The following SASH1 variants were observed in gnomAD, a reference collection of about 807,000 sequenced individuals.
The protein encoded by SASH1 is SAM and SH3 domain-containing protein 1.
Under a neutral mutation model 125.2 loss-of-function variants are expected in SASH1, and 44 were observed. The ratio of observed to expected loss-of-function variants is 0.35; its 90% CI spans 0.28 to 0.45. The LOEUF (loss-of-function observed/expected upper bound fraction) is 0.45, where lower values mean the gene tolerates loss of function less well. Among genes scored for constraint, SASH1 ranks in the 20% least tolerant of loss-of-function variants. The probability of loss-of-function intolerance (pLI) is 1.00; values close to 1 mark genes in which losing one functional copy is unlikely to be tolerated. For missense variants in SASH1, 1,426 were observed against 1,614.5 expected (o/e 0.88, Z 2.00); for synonymous variants, 639 against 649.1 (o/e 0.98, Z 0.24).
exon 1 of SASH1, chr6:148,272,375 A>G (rs1779083756): frequency 2.1e-6 from 1 of 470,750 alleles, no homozygotes; most frequent in African/African-American, 2.0e-5. Context: ...ACAAGATTGC[A>G]GGGTATGTAG....
chr6:148,238,745 C>T, the SASH1 span, among the ~76,000 whole-genome samples: 1 of 151,944 alleles, frequency 6.6e-6, no homozygotes, highest in Non-Finnish European at 1.5e-5. Flanking sequence ...AAGGGCTTGG[C>T]GTACAGTGGG....
At chr6:148,197,544 G>A in the SASH1 span, among the ~76,000 whole-genome samples, 1 of 152,180 alleles carries the variant, frequency 6.6e-6, no homozygotes. Context: ...AATTTCTCTT[G>A]CAGGCCACCC....
intron 2 of SASH1, among the ~76,000 whole-genome samples, chr6:148,417,368 C>G (rs555359755): frequency 6.6e-6 from 1 of 152,208 alleles, no homozygotes; most frequent in African/African-American, 2.4e-5. Context: ...GGGCGGATCA[C>G]AAGGTCAAGA....
At chr6:148,430,033 C>T (rs1776001126) in intron 2 of SASH1, among the ~76,000 whole-genome samples, 1 of 152,166 alleles carries the variant, frequency 6.6e-6, no homozygotes, top group Non-Finnish European at 1.5e-5. Context: ...TGTGGCTAGT[C>T]ATTGGTGTGC....
At chr6:148,413,119 C>T (rs575889721) in intron 2 of SASH1, among the ~76,000 whole-genome samples, 3 of 152,270 alleles carry the variant, frequency 2.0e-5, no homozygotes, top group African/African-American at 7.2e-5. Context: ...AGTTCAGTTT[C>T]AGTTACATTA....
Position 148,546,988 on chromosome 6 carries a change from C to G in SASH1, c.3480+842C>G, listed in dbSNP as rs148857827. ...GATCTCTTGAAAGCTTGCTGAGTAC[C>G]AAACCCTGTATATATTATACACAAA... is the stretch of plus-strand genomic sequence containing the variant. On this transcript the variant is annotated intron_variant, in intron 19 of 19. Transcript: ENST00000367467. Among the ~76,000 whole-genome samples the G allele has an allele frequency of 3.9e-5, 6 of 152,190 alleles. No individual in the cohort carries two copies. The East Asian group carries it at 1.2e-3, about 29-fold the overall frequency.
intron 2 of SASH1, among the ~76,000 whole-genome samples, chr6:148,398,423 C>G (rs1017300498): frequency 1.3e-5 from 2 of 152,150 alleles, no homozygotes; most frequent in African/African-American, 4.8e-5. Context: ...ATATGGGAAA[C>G]AGGTTTCCTG....
chr6:148,421,215 A>AAGAAAGAAAG (rs1554255027), intron 2 of SASH1, among the ~76,000 whole-genome samples: 2 of 125,632 alleles, frequency 1.6e-5, no homozygotes. Flanking sequence ...GAAAGAAAGA[A>AAGAAAGAAAG]AAAGAAAGAA....
chr6:148,381,488 G>T (rs1783128612), intron 1 of SASH1, among the ~76,000 whole-genome samples: 1 of 152,032 alleles, frequency 6.6e-6, no homozygotes, highest in Non-Finnish European at 1.5e-5. Context: ...TGCATGTAAG[G>T]GTGTGCTGAG....
At chr6:148,376,915 A>T (rs1782920203) in intron 1 of SASH1, among the ~76,000 whole-genome samples, 1 of 151,922 alleles carries the variant, frequency 6.6e-6, no homozygotes, top group South Asian at 2.1e-4. Context: ...TCACGCCTGT[A>T]ATCCCAGCAC....
chr6:148,465,740 T>TA (rs1184335727), intron 4 of SASH1, among the ~76,000 whole-genome samples: 1 of 151,942 alleles, frequency 6.6e-6, no homozygotes, highest in African/African-American at 2.4e-5. Flanking sequence ...TAAGATTTTT[T>TA]AAAAAAATTA....
chr6:148,282,165 AC>A (rs1279794593), intron 1 of SASH1, among the ~76,000 whole-genome samples: 1 of 152,216 alleles, frequency 6.6e-6, no homozygotes, highest in Non-Finnish European at 1.5e-5. Context: ...GCCCGGGGCT[AC>A]AGTCAGCCAG....
intron 8 of SASH1, among the ~76,000 whole-genome samples, chr6:148,511,100 C>T (rs1239396815): frequency 6.6e-6 from 1 of 151,960 alleles, no homozygotes; most frequent in East Asian, 1.9e-4. Flanking sequence ...AAGATTTACT[C>T]TCCAGTTTAG....
At chr6:148,442,709 C>G (rs1376487324) in intron 4 of SASH1, among the ~76,000 whole-genome samples, 1 of 152,140 alleles carries the variant, frequency 6.6e-6, no homozygotes, top group Admixed American at 6.5e-5. Flanking sequence ...ATACAGGAAA[C>G]TTAATAACTT....
chr6:148,359,341 T>TTTA (rs59930473), intron 1 of SASH1, among the ~76,000 whole-genome samples: 7 of 151,088 alleles, frequency 4.6e-5, no homozygotes, highest in African/African-American at 1.7e-4. Context: ...TTTTTTTTTT[T>TTTA]AACAAATTGA....
Position 148,487,799 on chromosome 6 carries a change from C to T in SASH1, c.729+84C>T, listed in dbSNP as rs113110620. 6.8e-4 allele frequency: 664 copies of T among 975,122 alleles called. 5 individuals carry two copies. In the Admixed American group the frequency reaches 0.012, roughly 18 times the overall value. The allele number at this position is 975,122 out of a possible 1,614,324, so 60.4% of individuals were successfully genotyped here. On this transcript the variant is annotated intron_variant, in intron 8 of 19. Coordinates refer to ENST00000367467, the MANE Select transcript of SASH1 (RefSeq NM_015278.5). ...CCATTTTAGTCTTTGTATTTCTTTT[C>T]GAAACTTCCGACTCGCACCTGGGTC...
intron 1 of SASH1, among the ~76,000 whole-genome samples, chr6:148,359,915 T>C (rs1391335236): frequency 6.6e-5 from 10 of 152,112 alleles, no homozygotes; most frequent in Non-Finnish European, 1.3e-4. Context: ...CCCGCCACCA[T>C]GCCTGGCTAA....
the SASH1 span, among the ~76,000 whole-genome samples, chr6:148,201,043 A>G: frequency 6.6e-6 from 1 of 152,188 alleles, no homozygotes; most frequent in Non-Finnish European, 1.5e-5. Flanking sequence ...TATAGAGTCT[A>G]CATTTCCATC....
At chr6:148,462,081 C>T (rs372931428) in intron 4 of SASH1, among the ~76,000 whole-genome samples, 62 of 152,204 alleles carry the variant, frequency 4.1e-4, no homozygotes, top group African/African-American at 1.4e-3. Context: ...TCGGGACTGC[C>T]TTGGCAGGCC....
Sources: allele counts gnomAD v4.1 joint callset (sites outside exome capture counted in the v4.1 genomes callset), GRCh38; gene constraint gnomAD v4.1.1; transcripts MANE v1.5; gene names NCBI Gene and HGNC (gene_info 2026-07-23, HGNC 2026-07-21).